The following C9orf43 variants were observed in gnomAD, a reference collection of about 807,000 sequenced individuals.
The protein encoded by C9orf43 is uncharacterized protein C9orf43.
In C9orf43, 45 loss-of-function variants were observed where a neutral mutation model predicts 59.1. The observed-to-expected ratio is 0.76, with a 90% CI of 0.60 to 0.98. C9orf43 has a LOEUF of 0.98. C9orf43 is among the 50% of genes least tolerant of loss of function. The probability of loss-of-function intolerance (pLI) is 0.00; values close to 1 mark genes in which losing one functional copy is unlikely to be tolerated. For synonymous variants in C9orf43, 203 were observed against 196.8 expected, an observed-to-expected ratio of 1.03 and a Z score of -0.26; for missense variants, 533 against 554.9, an observed-to-expected ratio of 0.96 and a Z score of 0.40.
At chr9:113,420,351 C>T (rs1377287695) in intron 4 of C9orf43, among the ~76,000 whole-genome samples, 1 of 152,096 alleles carries the variant, frequency 6.6e-6, no homozygotes, top group African/African-American at 2.4e-5. Context: ...CCTCTGTCTA[C>T]CAAAGTGCAT....
rs2119117287 is a variant in C9orf43 at position 113,429,610 on chromosome 9, C to G, written c.*224C>G. 1 of 490,890 alleles carries G rather than the reference C, an allele frequency of 2.0e-6. No homozygotes were observed. Among genetic ancestry groups the G allele is most frequent in the Non-Finnish European group, 3.6e-6 (1 of 279,066 alleles). 30.4% of individuals were successfully genotyped at this position (490,890 alleles called of 1,614,324 possible). A position where few individuals can be genotyped will look rare whatever the true frequency, so the allele number is the denominator to read the frequency against. ...ATAAATGTAGGAGAAAAATCCCCAG[C>G]CTTTTTAAATTTAGATTATTTCCTT... On this transcript the variant is annotated 3_prime_UTR_variant, in exon 14 of 14. Coordinates refer to ENST00000374165, the MANE Select transcript of C9orf43 (RefSeq NM_001278629.2).
chr9:113,428,928 A>G lies in C9orf43; in HGVS notation c.1136A>G (p.Tyr379Cys), dbSNP rs769307499. 1.2e-6 allele frequency: 2 copies of G among 1,613,938 alleles called. No homozygotes were observed. The highest frequency in any genetic ancestry group is 3.3e-5 in the Admixed American group (2 of 60,032). ...TCCACGGAGAGACCAAAGATGAACT[A>G]CTATGACCATGCGGATTTCCACCAC... ...QDSTERPKMN[Y>C]YDHADFHHSV... The change falls in exon 13 of 14, where the codon TAC becomes TGC. Residue 379 changes from tyrosine (Y) to cysteine (C), a missense_variant. By Grantham distance (194) the Tyr-to-Cys change is radical. Transcript: ENST00000374165.
chr9:113,417,668 G>T (rs1350809206), intron 3 of C9orf43, among the ~76,000 whole-genome samples: 1 of 152,194 alleles, frequency 6.6e-6, no homozygotes, highest in Non-Finnish European at 1.5e-5. Context: ...GTGAAATGGG[G>T]GTTGTAGGTG....
chr9:113,428,400 A>G (rs1383756970), intron 12 of C9orf43, among the ~76,000 whole-genome samples, 177 bp downstream of exon 12: 4 of 152,168 alleles, frequency 2.6e-5, no homozygotes, highest in African/African-American at 7.2e-5. Context: ...CTGTTGGCCA[A>G]GTTGCTGGTT....
In C9orf43 at chr9:113,428,964, G is replaced by A. The variant is rs78738447; in HGVS notation, c.1171+1G>A. 132,013 of 1,612,058 alleles carry A rather than the reference G, an allele frequency of 0.082. 5,942 individuals carry two copies. Among genetic ancestry groups the A allele is most frequent in the Non-Finnish European group, 0.09 (105,969 of 1,178,106 alleles). On this transcript the variant is annotated splice_donor_variant, in intron 13 of 13. Coordinates refer to ENST00000374165, the MANE Select transcript of C9orf43 (RefSeq NM_001278629.2). LOFTEE classifies it high-confidence loss of function. ...GCGGATTTCCACCACAGTGTAAAAA[G>A]TAAGTTACTAGAGTAGAGGAACCTT...
In C9orf43 at chr9:113,422,475, T is replaced by C. The variant is rs930924474; in HGVS notation, c.447-74T>C. ...AGCTTCTGTTTAAGATATCTGGGAATAAGTTGTGCTTACTCTTATTTCAAG... is the reference window on the plus strand; with the variant it reads ...AGCTTCTGTTTAAGATATCTGGGAACAAGTTGTGCTTACTCTTATTTCAAG... On this transcript the variant is annotated intron_variant, in intron 5 of 13. Transcript: ENST00000374165. 8.2e-6 allele frequency: 13 copies of C among 1,576,836 alleles called. No individual in the cohort carries two copies. The East Asian group carries it at 2.2e-4, about 27-fold the overall frequency.
Position 113,413,793 on chromosome 9 carries a change from A to G in C9orf43, c.186A>G (p.Leu62=), listed in dbSNP as rs377584622. 5 of 1,614,186 alleles carry G rather than the reference A, an allele frequency of 3.1e-6. No homozygotes were observed. In the Admixed American group the frequency reaches 8.3e-5, roughly 27 times the overall value. The change falls in exon 3 of 14, where the codon TTA becomes TTG. Residue 62 remains leucine (L), a synonymous_variant. Transcript: ENST00000374165. ...KLPVLTVVDI[L]DSGFAAHHLP... The stretch of plus-strand genomic sequence containing the variant: ...CAGTGCTCACCGTGGTAGACATCTT[A>G]GATTCCGGCTTTGCAGCTCATCATT...
In C9orf43 at chr9:113,425,066, G is replaced by A; in HGVS notation, c.855G>A (p.Leu285=). ...YPERLKKLHN[L]KTEGYRKQQQ... ...AACGTTTGAAGAAATTACATAACCT[G>A]AAGACAGAAGGTAGATTTGCTGTTG... The change falls in exon 9 of 14, where the codon CTG becomes CTA. Residue 285 remains leucine (L), a synonymous_variant. Coordinates refer to ENST00000374165, the MANE Select transcript of C9orf43 (RefSeq NM_001278629.2). The A allele has an allele frequency of 1.2e-6, 2 of 1,613,350 alleles. No individual in the cohort carries two copies. The highest frequency in any genetic ancestry group is 1.7e-6 in the Non-Finnish European group (2 of 1,179,904).
At chr9:113,428,313 A>G (rs1317511947) in intron 12 of C9orf43, 90 bp downstream of exon 12, 8 of 1,191,688 alleles carry the variant, frequency 6.7e-6, no homozygotes, top group Middle Eastern at 1.9e-4. Flanking sequence ...ATGATTTGCT[A>G]TTGCTAATGA....
At position 113,423,337 on chromosome 9, in the gene C9orf43, A is replaced by C. The variant is rs369027879; in HGVS notation, c.495A>C (p.Ser165=). The change falls in exon 7 of 14, where the codon TCA becomes TCC. Residue 165 remains serine (S), a synonymous_variant. Coordinates refer to ENST00000374165, the MANE Select transcript of C9orf43 (RefSeq NM_001278629.2). The part of the protein sequence containing the change: ...KRKNSAVKSK[S]FLGLSGNQSA... Reference sequence around the variant, plus strand: ...TGTTTCTCTTCCAGAAAAGCAAGTCATTTCTGGGTCTCTCTGGAAATCAGT... The same window carrying C: ...TGTTTCTCTTCCAGAAAAGCAAGTCCTTTCTGGGTCTCTCTGGAAATCAGT... The C allele has an allele frequency of 4.2e-5, 67 of 1,613,612 alleles. 1 individual carries two copies. The highest frequency in any genetic ancestry group is 3.2e-4 in the South Asian group (29 of 91,054).
rs777612760 is a variant in C9orf43, at chr9:113,422,594, G to C, written c.483+9G>C. The C allele has an allele frequency of 6.2e-7, 1 of 1,613,768 alleles. No individual in the cohort carries two copies. The highest frequency in any genetic ancestry group is 8.5e-7 in the Non-Finnish European group (1 of 1,179,868). On this transcript the variant is annotated intron_variant, in intron 6 of 13. Coordinates refer to ENST00000374165, the MANE Select transcript of C9orf43 (RefSeq NM_001278629.2). ...GAAAGAACTCGGCAGTGGTGAGTTT[G>C]ATGTTTTTGTGCAAACCTTTATAAT...
At position 113,425,365 on chromosome 9, in the gene C9orf43, GGCA is replaced by G. The variant is rs371732185; in HGVS notation, c.906_908del (p.Gln304del). 9.2e-5 allele frequency: 147 copies of G among 1,605,060 alleles called. 1 individual carries two copies. The highest frequency in any genetic ancestry group is 6.7e-4 in the Middle Eastern group (4 of 5,948). On this transcript the variant is annotated inframe_deletion, in exon 10 of 14. Coordinates refer to ENST00000374165, the MANE Select transcript of C9orf43 (RefSeq NM_001278629.2). ...CCAGGTTACAGGAAACAGCAGCAGC[GGCA>G]GCAGCAGCAGCAGCAGCAACAGAAG...
At chr9:113,427,689 A>G (rs901778966) in intron 11 of C9orf43, among the ~76,000 whole-genome samples, 3 of 152,214 alleles carry the variant, frequency 2.0e-5, no homozygotes, top group Non-Finnish European at 2.9e-5. Flanking sequence ...AGCTTGGAAG[A>G]TGTTTGTTTA....
chr9:113,428,329 T>A, intron 12 of C9orf43, 106 bp downstream of exon 12: 1 of 1,077,102 alleles, frequency 9.3e-7, no homozygotes, highest in Non-Finnish European at 1.4e-6. Context: ...AATGATTCTG[T>A]GGGTTGACTG....
rs1192935353 is a variant in C9orf43, at chr9:113,421,136, C to A, written c.379C>A (p.Pro127Thr). The A allele has an allele frequency of 2.5e-6, 4 of 1,613,638 alleles. No individual in the cohort carries two copies. The highest frequency in any genetic ancestry group is 2.5e-6 in the Non-Finnish European group (3 of 1,179,834). The change falls in exon 5 of 14, where the codon CCC becomes ACC. Residue 127 changes from proline to threonine, a missense_variant. Coordinates refer to ENST00000374165, the MANE Select transcript of C9orf43 (RefSeq NM_001278629.2). ...PVLNLNETQL[P>T]CPEDVRNMVV... ...GTTGAATTTGAATGAGACGCAACTT[C>A]CCTGCCCTGAAGATGTTAGAAATAT...
chr9:113,429,191 A>G lies in C9orf43; in HGVS notation c.1191A>G (p.Thr397=). ...TTTTAGGTCCTGAATTGTATGAAAC[A>G]GAACCCACTAACAAGGACATTAGTG... ...HSVKSPELYE[T]EPTNKDISAP... is the part of the protein sequence containing the mutation. The change falls in exon 14 of 14, where the codon ACA becomes ACG. Residue 397 remains threonine, a synonymous_variant. Transcript: ENST00000374165. The G allele has an allele frequency of 6.2e-7, 1 of 1,614,194 alleles. No individual in the cohort carries two copies. The highest frequency in any genetic ancestry group is 8.5e-7 in the Non-Finnish European group (1 of 1,180,028).
At position 113,425,333 on chromosome 9, in the gene C9orf43, C is replaced by T. The variant is rs1189877410; in HGVS notation, c.866-11C>T. 1.9e-6 allele frequency: 3 copies of T among 1,613,842 alleles called. No individual in the cohort carries two copies. The highest frequency in any genetic ancestry group is 1.1e-5 in the South Asian group (1 of 91,064). On this transcript the variant is annotated splice_polypyrimidine_tract_variant and intron_variant, in intron 9 of 13. Coordinates refer to ENST00000374165, the MANE Select transcript of C9orf43 (RefSeq NM_001278629.2). ...GTTAGAAGAGGATCAAGCTGGCTCT[C>T]TGGTCACCAGGTTACAGGAAACAGC...
At chr9:113,423,758 A>G (rs530772289) in intron 7 of C9orf43, among the ~76,000 whole-genome samples, 6 of 152,224 alleles carry the variant, frequency 3.9e-5, no homozygotes, top group Non-Finnish European at 8.8e-5. Flanking sequence ...GGTAGGCACT[A>G]TCACTGTCTT....
intron 3 of C9orf43, among the ~76,000 whole-genome samples, chr9:113,415,950 G>A (rs1173815349): frequency 1.3e-5 from 2 of 152,134 alleles, no homozygotes; most frequent in Non-Finnish European, 2.9e-5. Flanking sequence ...GTTAGACAGC[G>A]GTGTTTCTCA....
Sources: gnomAD v4.1 joint callset for allele counts (sites outside exome capture counted in the v4.1 genomes callset) on GRCh38, gnomAD v4.1.1 for gene constraint, MANE v1.5 for transcripts, NCBI Gene and HGNC (gene_info 2026-07-23, HGNC 2026-07-21) for gene names.